Variants in DSTYK observed in about 807,000 individuals in gnomAD.
The protein encoded by DSTYK is RIP-homologous kinase.
In DSTYK, 34 loss-of-function variants were observed where a neutral mutation model predicts 98.7. The observed-to-expected ratio is 0.34, with a 90% CI of 0.26 to 0.46. The LOEUF (loss-of-function observed/expected upper bound fraction) is 0.46. Ranked by LOEUF, DSTYK falls within the 20% of genes least tolerant of loss-of-function variation. DSTYK has a pLI of 1.00. For missense variants in DSTYK, 962 were observed against 1,181.7 expected, an observed-to-expected ratio of 0.81 and a Z score of 2.73; for synonymous variants, 462 against 457.3, an observed-to-expected ratio of 1.01 and a Z score of -0.13.
intron 1 of DSTYK, among the ~76,000 whole-genome samples, chr1:205,188,092 T>C (rs991925422): frequency 6.6e-6 from 1 of 152,174 alleles, no homozygotes; most frequent in Non-Finnish European, 1.5e-5. Flanking sequence ...CGCTCCTTTT[T>C]CATTCAGTGG....
chr1:205,168,980 A>G (rs867689081), intron 3 of DSTYK, among the ~76,000 whole-genome samples, 183 bp downstream of exon 3: 7 of 152,330 alleles, frequency 4.6e-5, no homozygotes, highest in East Asian at 1.9e-4. Flanking sequence ...ATCTTCCACA[A>G]TGATCTTTGA....
At chr1:205,174,426 T>C (rs1658164170) in intron 2 of DSTYK, among the ~76,000 whole-genome samples, 1 of 148,946 alleles carries the variant, frequency 6.7e-6, no homozygotes, top group Admixed American at 6.8e-5. Flanking sequence ...GGCAGAAGAA[T>C]CACTTGAACC....
At chr1:205,161,141 G>T in intron 7 of DSTYK, 117 bp downstream of exon 7, 2 of 1,338,096 alleles carry the variant, frequency 1.5e-6, no homozygotes, top group Non-Finnish European at 2.1e-6. Flanking sequence ...ATCAGTAAGG[G>T]TTTAGGCAGC....
At chr1:205,207,078 A>G (rs188389281) in intron 1 of DSTYK, among the ~76,000 whole-genome samples, 1 of 128,444 alleles carries the variant, frequency 7.8e-6, no homozygotes, top group East Asian at 2.5e-4. Context: ...TCACTCCAGT[A>G]TCTTTTTTTT....
intron 2 of DSTYK, among the ~76,000 whole-genome samples, chr1:205,178,358 G>A (rs1252199059): frequency 6.6e-6 from 1 of 151,928 alleles, no homozygotes; most frequent in Non-Finnish European, 1.5e-5. Context: ...CTAATGGACA[G>A]TCAAACACCC....
At chr1:205,148,133 C>T in intron 12 of DSTYK, 72 bp downstream of exon 12, 1 of 1,591,942 alleles carries the variant, frequency 6.3e-7, no homozygotes. Context: ...GACAGGAGAC[C>T]CGGTGACATT....
intron 1 of DSTYK, 76 bp downstream of exon 1, chr1:205,211,195 T>C: frequency 6.7e-7 from 1 of 1,493,968 alleles, no homozygotes; most frequent in South Asian, 1.3e-5. Flanking sequence ...CTCGGGCTTG[T>C]TTTGCAGGGC....
intron 2 of DSTYK, among the ~76,000 whole-genome samples, chr1:205,177,819 A>G (rs1222652524): frequency 6.6e-6 from 1 of 151,774 alleles, no homozygotes; most frequent in Non-Finnish European, 1.5e-5. Flanking sequence ...GTGAGCCAAG[A>G]TCGTGCCACT....
intron 3 of DSTYK, among the ~76,000 whole-genome samples, chr1:205,168,946 T>G (rs1657969436): frequency 1.3e-5 from 2 of 152,168 alleles, no homozygotes; most frequent in Admixed American, 1.3e-4. Context: ...TGAGCTAATG[T>G]TCTTGGGAAG....
chr1:205,150,303 T>A lies in DSTYK; in HGVS notation c.2467+377A>T, dbSNP rs772508575. ...TTTAGCACTTAATCATACGTTGTGTTGTACTGCTTCCTATTTTACCTCTTA... is the reference window on the plus strand; with the variant it reads ...TTTAGCACTTAATCATACGTTGTGTAGTACTGCTTCCTATTTTACCTCTTA... On this transcript the variant is annotated intron_variant, in intron 11 of 12. Transcript: ENST00000367162. The surrounding 1 kb of genome is among the most constrained non-coding windows in gnomAD (Gnocchi z 4.1). Among the ~76,000 whole-genome samples the A allele has an allele frequency of 9.9e-5, 15 of 152,184 alleles. No homozygotes were observed. The highest frequency in any genetic ancestry group is 2.1e-4 in the Non-Finnish European group (14 of 68,028).
intron 2 of DSTYK, among the ~76,000 whole-genome samples, chr1:205,180,634 T>A (rs2102436061): frequency 6.6e-6 from 1 of 152,234 alleles, no homozygotes; most frequent in African/African-American, 2.4e-5. Context: ...CCAGCTAATT[T>A]TTGTATTTTT....
intron 1 of DSTYK, 108 bp downstream of exon 1, chr1:205,211,163 C>A: frequency 6.9e-7 from 1 of 1,441,424 alleles, no homozygotes; most frequent in African/African-American, 1.5e-5. Context: ...CACGACTGCC[C>A]CTTTCCGCCT....
intron 1 of DSTYK, among the ~76,000 whole-genome samples, chr1:205,209,431 C>A (rs962121891): frequency 5.3e-5 from 8 of 152,096 alleles, no homozygotes; most frequent in Non-Finnish European, 8.8e-5. Context: ...GTTCTCTCTA[C>A]AAGTCCATTC....
chr1:205,162,878 G>T, intron 5 of DSTYK, 45 bp downstream of exon 5: 1 of 1,442,634 alleles, frequency 6.9e-7, no homozygotes, highest in Non-Finnish European at 9.8e-7. Flanking sequence ...ATTCATTTGA[G>T]CCAACTAGGG....
At chr1:205,161,561 A>C (rs1657721060) in intron 6 of DSTYK, among the ~76,000 whole-genome samples, 174 bp from the exon 7 acceptor site, 1 of 152,194 alleles carries the variant, frequency 6.6e-6, no homozygotes, top group Admixed American at 6.5e-5. Flanking sequence ...AATAAATAAT[A>C]ACTTTTCCTC....
rs1482155177 is a variant in DSTYK, at chr1:205,207,568, C to T, written c.265+3703G>A. On this transcript the variant is annotated intron_variant, in intron 1 of 12. Transcript: ENST00000367162. Reference sequence around the variant, plus strand: ...GAGTTTGAGACCAGCCTGGCCAACACGGTAAAACCCTGTCTCTACTAAAAA... The same window carrying T: ...GAGTTTGAGACCAGCCTGGCCAACATGGTAAAACCCTGTCTCTACTAAAAA... 1.0e-4 allele frequency among the ~76,000 whole-genome samples: 15 copies of T among 150,144 alleles called. No homozygotes were observed. The East Asian group carries it at 1.5e-3, about 15-fold the overall frequency.
Position 205,169,705 on chromosome 1 carries a change from TC to T in DSTYK, c.781del (p.Asp261MetfsTer28), listed in dbSNP as rs1194742004. The part of the protein sequence containing the change: ...ALHKDELSER[D>X]EQELQEIRKY... ...TCGGATTTCCTGAAGCTCTTGCTCA[TC>T]CCTCTCAGAGAGTTCATCTTTGTGG... On this transcript the variant is annotated frameshift_variant, in exon 3 of 13. Transcript: ENST00000367162. LOFTEE classifies it high-confidence loss of function. This position sits in a 1 kb window ranked among gnomAD's most constrained non-coding sequence, Gnocchi z 4.0. 1 of 1,614,232 alleles carries T rather than the reference TC, an allele frequency of 6.2e-7. No homozygotes were observed. The highest frequency in any genetic ancestry group is 8.5e-7 in the Non-Finnish European group (1 of 1,180,038).
intron 3 of DSTYK, among the ~76,000 whole-genome samples, chr1:205,167,963 G>A (rs533593981): frequency 1.7e-3 from 263 of 152,190 alleles, no homozygotes; most frequent in African/African-American, 5.7e-3. Flanking sequence ...AAATTTAGCC[G>A]GGAACGGTGG....
Position 205,159,608 on chromosome 1 carries a change from G to A in DSTYK, c.2177C>T (p.Ser726Phe), listed in dbSNP as rs778960139. Residue 726 changes from serine (S) to phenylalanine (F), a missense_variant, in exon 9 of 13, where the codon TCC becomes TTC. Ser to Phe is a radical substitution (Grantham distance 155, BLOSUM62 -2). Around this residue, in one of 4 missense-constraint regions of DSTYK, gnomAD observed 660 missense variants for 855.0 expected, o/e 0.77. Transcript: ENST00000367162. ...CATAATGAGGAGCACAGCAATGCTG[G>A]AGCCACCACCATAGTTGTAGTCAAT... ...SVIDYNYGGGSSIAVLLIMER... is the reference protein window; with the variant it reads ...SVIDYNYGGGFSIAVLLIMER... 5 of 1,613,640 alleles carry A rather than the reference G, an allele frequency of 3.1e-6. No homozygotes were observed. The highest frequency in any genetic ancestry group is 1.3e-5 in the African/African-American group (1 of 74,898).
Sources: allele counts gnomAD v4.1 joint callset (sites outside exome capture counted in the v4.1 genomes callset), GRCh38; gene constraint gnomAD v4.1.1; regional missense constraint gnomAD v4.1.1; non-coding constraint Gnocchi (gnomAD v3.1); transcripts MANE v1.5; gene names NCBI Gene and HGNC (gene_info 2026-07-23, HGNC 2026-07-21).